Variants in CCNG1 observed in about 807,000 individuals in gnomAD.
CCNG1 encodes the protein cyclin-G1.
Under a neutral mutation model 30.0 loss-of-function variants are expected in CCNG1, and 13 were observed. The ratio of observed to expected loss-of-function variants is 0.43; its 90% CI spans 0.28 to 0.69. CCNG1 has a LOEUF of 0.69. Ranked by LOEUF, CCNG1 falls within the 30% of genes least tolerant of loss-of-function variation. CCNG1 has a pLI of 0.16. For synonymous variants in CCNG1, 110 were observed against 121.5 expected (o/e 0.91, Z 0.62); for missense variants, 285 against 331.4 (o/e 0.86, Z 1.09).
At chr5:163,439,581 C>G (rs1757702165) in intron 2 of CCNG1, 61 bp downstream of exon 2, 3 of 1,470,454 alleles carry the variant, frequency 2.0e-6, no homozygotes, top group Non-Finnish European at 2.8e-6. Context: ...GGAATTGTTA[C>G]CTTTTGGCTG....
the CCNG1 span, chr5:163,451,485 T>C: frequency 6.6e-6 from 1 of 152,172 alleles, no homozygotes; most frequent in South Asian, 2.1e-4. Context: ...TATCTATACT[T>C]AAAATTCACC....
chr5:163,449,298 G>A (rs1424622982), downstream of CCNG1: 1 of 117,602 alleles, frequency 8.5e-6, no homozygotes, highest in African/African-American at 2.6e-5. Context: ...GTTTAGCAAG[G>A]TCACAGGATA....
At chr5:163,457,028 T>C in the CCNG1 span, 1 of 1,613,554 alleles carries the variant, frequency 6.2e-7, no homozygotes, top group South Asian at 1.1e-5. Flanking sequence ...TCCAACAATT[T>C]GCTGCATCTC....
chr5:163,446,507 T>TTG (rs1431824884), downstream of CCNG1: 2 of 152,158 alleles, frequency 1.3e-5, no homozygotes, highest in Non-Finnish European at 2.9e-5. Flanking sequence ...AATAAAAGAT[T>TTG]AATTGGACTC....
chr5:163,448,144 G>C (rs1418498985), downstream of CCNG1: 1 of 150,196 alleles, frequency 6.7e-6, no homozygotes, highest in Non-Finnish European at 1.5e-5. Context: ...GTGATGAAGT[G>C]AGACCTGTCT....
downstream of CCNG1, chr5:163,446,895 G>A (rs1758050787): frequency 6.6e-6 from 1 of 152,162 alleles, no homozygotes; most frequent in Non-Finnish European, 1.5e-5. Flanking sequence ...CATGCCTGTA[G>A]TACCAGTTAC....
chr5:163,457,224 C>T, the CCNG1 span: 67 of 832,374 alleles, frequency 8.0e-5, no homozygotes, highest in South Asian at 1.1e-3. Context: ...CTCCGCCCCC[C>T]GGGTTCAAGT....
chr5:163,442,537 T>A lies in CCNG1; in HGVS notation c.860T>A (p.Leu287His). ...CATAGCTACTACAGAATAACTCACC[T>A]TCCAACAATTCCTGAAATGGTCCCT... ...LKHSYYRITH[L>H]PTIPEMVP is the part of the protein sequence containing the mutation. The change falls in exon 6 of 7, where the codon CTT becomes CAT. Residue 287 changes from leucine to histidine, a missense_variant. Coordinates refer to ENST00000340828, the MANE Select transcript of CCNG1 (RefSeq NM_004060.4). The A allele has an allele frequency of 6.2e-7, 1 of 1,610,328 alleles. No individual in the cohort carries two copies.
chr5:163,446,815 G>A (rs1758048521), downstream of CCNG1: 1 of 152,212 alleles, frequency 6.6e-6, no homozygotes. Context: ...AGGAGTTCGA[G>A]ACCAGCATGG....
At chr5:163,451,529 C>A in the CCNG1 span, 2 of 152,108 alleles carry the variant, frequency 1.3e-5, no homozygotes, top group Non-Finnish European at 2.9e-5. Flanking sequence ...TTTTACTTTA[C>A]TCAAAAAATT....
downstream of CCNG1, chr5:163,447,091 A>G (rs759951896): frequency 3.9e-5 from 6 of 152,244 alleles, no homozygotes; most frequent in Non-Finnish European, 8.8e-5. Flanking sequence ...TAGGGACATT[A>G]TATAATGATA....
In CCNG1 at chr5:163,443,636, G is replaced by A. The variant is rs1757939931; in HGVS notation, c.*4-38G>A. 3 of 1,190,304 alleles carry A rather than the reference G, an allele frequency of 2.5e-6. No homozygotes were observed. The East Asian group carries it at 7.6e-5, about 30-fold the overall frequency. The allele number at this position is 1,190,304 out of a possible 1,614,324, so 73.7% of individuals were successfully genotyped here. A position where few individuals can be genotyped will look rare whatever the true frequency, so the allele number is the denominator to read the frequency against. On this transcript the variant is annotated intron_variant, in intron 6 of 6. Transcript: ENST00000340828. ...GTAGTATTTAGGCAGACTGGCTTCT[G>A]TTAAGTTGGATTTTGTTTGTTTTCT...
rs537168443 is a variant in CCNG1, at chr5:163,437,729, G to C, written c.-76G>C. 5.8e-4 allele frequency: 89 copies of C among 152,460 alleles called. 2 individuals carry two copies. The highest frequency in any genetic ancestry group is 2.0e-3 in the African/African-American group (82 of 41,548). The allele number at this position is 152,460 out of a possible 1,614,324, so 9.4% of individuals were successfully genotyped here. On this transcript the variant is annotated 5_prime_UTR_variant, in exon 1 of 7. Transcript: ENST00000340828. ...AGTCCCCTCTCCTCGTAGGCCTCTC[G>C]GATCTGATATCGTGGGGTGAGGTGA...
upstream of CCNG1, chr5:163,437,590 G>T (rs1402873560): frequency 6.6e-6 from 1 of 152,070 alleles, no homozygotes; most frequent in Admixed American, 6.6e-5. Context: ...TAGGGCAGGC[G>T]CGGCCCCTTC....
At chr5:163,446,353 T>C (rs17884508), downstream of CCNG1, among the ~76,000 whole-genome samples, 962 of 152,274 alleles carry the variant, frequency 6.3e-3, 10 homozygotes, top group African/African-American at 0.021. Context: ...TGAATGACAT[T>C]ATCCCAATTT....
intron 6 of CCNG1, among the ~76,000 whole-genome samples, 159 bp downstream of exon 6, chr5:163,442,727 C>T (rs1384015143): frequency 6.6e-6 from 1 of 152,136 alleles, no homozygotes; most frequent in East Asian, 1.9e-4. Context: ...ATTTGAAGGC[C>T]TTTACTATAT....
intron 2 of CCNG1, among the ~76,000 whole-genome samples, chr5:163,440,815 T>A (rs1387135765): frequency 6.6e-6 from 1 of 152,208 alleles, no homozygotes; most frequent in African/African-American, 2.4e-5. Context: ...CAGTGATTAA[T>A]AAAAACACAC....
chr5:163,455,990 A>T, the CCNG1 span, among the ~76,000 whole-genome samples: 36 of 151,844 alleles, frequency 2.4e-4, no homozygotes, highest in Non-Finnish European at 4.7e-4. Flanking sequence ...ATGAGTCCCA[A>T]TTTTTTTTGA....
intron 1 of CCNG1, among the ~76,000 whole-genome samples, chr5:163,438,604 G>T (rs187494264): frequency 6.6e-6 from 1 of 152,294 alleles, no homozygotes; most frequent in Admixed American, 6.5e-5. Flanking sequence ...TTAATATGTG[G>T]CAGAATACTT....
Sources: allele counts gnomAD v4.1 joint callset (sites outside exome capture counted in the v4.1 genomes callset), GRCh38; gene constraint gnomAD v4.1.1; transcripts MANE v1.5; gene names NCBI Gene and HGNC (gene_info 2026-07-23, HGNC 2026-07-21).